ACSM3: variants seen among roughly 807,000 people sequenced by gnomAD.
The protein encoded by ACSM3 is acyl-coenzyme A synthetase ACSM3, mitochondrial.
In ACSM3, 61 loss-of-function variants were observed where a neutral mutation model predicts 74.1. The ratio of observed to expected loss-of-function variants is 0.82; its 90% confidence interval spans 0.67 to 1.02. The LOEUF is 1.02. Among genes scored for constraint, ACSM3 ranks in the 50% least tolerant of loss-of-function variants. The probability of loss-of-function intolerance (pLI) is 0.00; values close to 1 mark genes in which losing one functional copy is unlikely to be tolerated. For missense variants in ACSM3, 660 were observed against 697.0 expected (o/e 0.95, Z 0.60); for synonymous variants, 213 against 241.5 (o/e 0.88, Z 1.09).
intron 1 of ACSM3, among the ~76,000 whole-genome samples, chr16:20,766,283 G>A (rs749609346): frequency 1.0e-4 from 15 of 144,428 alleles, no homozygotes; most frequent in Non-Finnish European, 2.0e-4. Context: ...AAACTCAAGT[G>A]ACCATTGATA....
intron 1 of ACSM3, among the ~76,000 whole-genome samples, chr16:20,732,267 G>A (rs896834190): frequency 6.6e-6 from 1 of 152,112 alleles, no homozygotes; most frequent in Admixed American, 6.6e-5. Flanking sequence ...GGTTGATACT[G>A]ACTGATCCTC....
intron 1 of ACSM3, among the ~76,000 whole-genome samples, chr16:20,724,230 G>A (rs546029445): frequency 6.9e-4 from 105 of 152,192 alleles, no homozygotes; most frequent in African/African-American, 2.2e-3. Flanking sequence ...TTCAACATAC[G>A]AAAATCAATA....
At chr16:20,699,637 C>T (rs955484773) in intron 1 of ACSM3, among the ~76,000 whole-genome samples, 1 of 152,066 alleles carries the variant, frequency 6.6e-6, no homozygotes, top group Non-Finnish European at 1.5e-5. Flanking sequence ...AGCCACTTTT[C>T]GGAAAAGAAT....
At chr16:20,750,721 A>G (rs1344470621) in intron 2 of ACSM3, among the ~76,000 whole-genome samples, 2 of 152,182 alleles carry the variant, frequency 1.3e-5, no homozygotes, top group African/African-American at 4.8e-5. Flanking sequence ...TTTGTTCAGA[A>G]TGTCTTCACT....
At chr16:20,732,209 T>C (rs1476886020) in intron 1 of ACSM3, among the ~76,000 whole-genome samples, 1 of 152,206 alleles carries the variant, frequency 6.6e-6, no homozygotes, top group Non-Finnish European at 1.5e-5. Flanking sequence ...AAAAATACTA[T>C]ATAAAGACAT....
intron 1 of ACSM3, among the ~76,000 whole-genome samples, chr16:20,716,411 C>T (rs1291784471): frequency 6.6e-6 from 1 of 152,052 alleles, no homozygotes; most frequent in Non-Finnish European, 1.5e-5. Flanking sequence ...GACTGCCCTG[C>T]CACACCACAA....
At chr16:20,712,401 T>G (rs1050554427) in intron 1 of ACSM3, among the ~76,000 whole-genome samples, 4 of 152,196 alleles carry the variant, frequency 2.6e-5, no homozygotes, top group African/African-American at 9.6e-5. Flanking sequence ...AGATAGTGCT[T>G]AATATTTACT....
intron 1 of ACSM3, chr16:20,743,891 T>G (rs1257171494): frequency 6.6e-6 from 1 of 152,164 alleles, no homozygotes; most frequent in East Asian, 1.9e-4. Flanking sequence ...AGATAACAAG[T>G]TAAAATATAT....
At position 20,745,591 on chromosome 16, in the gene ACSM3, A is replaced by G. The variant is rs866740674; in HGVS notation, c.-189-4319A>G. Among the ~76,000 whole-genome samples, 6 of 55,170 alleles carry G rather than the reference A, an allele frequency of 1.1e-4. No homozygotes were observed. In the Admixed American group the frequency reaches 1.3e-3, roughly 11 times the overall value. 36.2% of individuals were successfully genotyped at this position (55,170 alleles called of 152,430 possible). On this transcript the variant is annotated intron_variant, in intron 1 of 3. Transcript: ENST00000561584. ...AGACTCTGTCTCAAAATAAATAAAT[A>G]AATAAATAAATAAATAAATAGAGAC...
At chr16:20,724,189 G>A (rs1473389392) in intron 1 of ACSM3, among the ~76,000 whole-genome samples, 2 of 152,126 alleles carry the variant, frequency 1.3e-5, no homozygotes, top group African/African-American at 4.8e-5. Context: ...TCAGGTAGTT[G>A]TAGATATTCA....
At chr16:20,696,183 G>C (rs1045835238) in intron 1 of ACSM3, among the ~76,000 whole-genome samples, 4 of 152,180 alleles carry the variant, frequency 2.6e-5, no homozygotes, top group Non-Finnish European at 5.9e-5. Context: ...CACTCTATGA[G>C]TTCCCATAAT....
intron 2 of ACSM3, among the ~76,000 whole-genome samples, chr16:20,774,858 T>C (rs2080236576): frequency 6.6e-6 from 1 of 152,138 alleles, no homozygotes. Context: ...CTTGTAGTAG[T>C]GGCAGCCTGA....
At chr16:20,761,133 C>T (rs1022644150), upstream of ACSM3, among the ~76,000 whole-genome samples, 3 of 151,750 alleles carry the variant, frequency 2.0e-5, no homozygotes, top group Middle Eastern at 3.4e-3. Context: ...CTCACTCTGT[C>T]GCCCAGGCTG....
rs776597815 is a variant in ACSM3, at chr16:20,682,290, G to A, written c.-190+7468G>A. On this transcript the variant is annotated intron_variant, in intron 1 of 3. Coordinates refer to the ACSM3 transcript ENST00000561584. Reference sequence around the variant, plus strand: ...GATCGGAAGTCCAGCCACCCTTCACGGCTGTGATCAGACACCAGGAGCTTG... The same window carrying A: ...GATCGGAAGTCCAGCCACCCTTCACAGCTGTGATCAGACACCAGGAGCTTG... 38 of 1,613,462 alleles carry A rather than the reference G, an allele frequency of 2.4e-5. 1 individual carries two copies. In the Middle Eastern group the frequency reaches 5.2e-4, roughly 22 times the overall value.
At chr16:20,682,528 C>T in intron 1 of ACSM3, 1 of 1,353,846 alleles carries the variant, frequency 7.4e-7, no homozygotes, top group Non-Finnish European at 1.0e-6. Context: ...TTAGACTTGG[C>T]TTGTCTGCAT....
At chr16:20,729,836 G>C (rs1353268262) in intron 1 of ACSM3, among the ~76,000 whole-genome samples, 1 of 151,720 alleles carries the variant, frequency 6.6e-6, no homozygotes, top group Non-Finnish European at 1.5e-5. Context: ...TTCAAGTACA[G>C]CCACATCCAA....
intron 12 of ACSM3, among the ~76,000 whole-genome samples, chr16:20,793,142 G>A (rs2080639072): frequency 1.3e-5 from 2 of 152,174 alleles, no homozygotes; most frequent in African/African-American, 4.8e-5. Flanking sequence ...AGAGTTAGAA[G>A]GTATCCAATC....
intron 12 of ACSM3, 173 bp from the exon 13 acceptor site, chr16:20,796,197 T>C: frequency 8.8e-7 from 1 of 1,137,000 alleles, no homozygotes. Flanking sequence ...TCTCCTGTAT[T>C]AGGTACAGAC....
chr16:20,764,395 A>T (rs1228795176), intron 1 of ACSM3, among the ~76,000 whole-genome samples: 1 of 152,146 alleles, frequency 6.6e-6, no homozygotes, highest in African/African-American at 2.4e-5. Flanking sequence ...AAAACTATGT[A>T]CATGTATTAA....
Sources: gnomAD v4.1 joint callset for allele counts (sites outside exome capture counted in the v4.1 genomes callset) on GRCh38, gnomAD v4.1.1 for gene constraint, MANE v1.5 for transcripts, NCBI Gene and HGNC (gene_info 2026-07-23, HGNC 2026-07-21) for gene names.